CLPTM1: variants seen among roughly 807,000 people sequenced by gnomAD.
CLPTM1 encodes putative lipid scramblase CLPTM1.
CLPTM1 carries 21 observed loss-of-function variants against 77.3 expected under a neutral mutation model. That is an observed-to-expected ratio of 0.27 (90% CI 0.19 to 0.39). The LOEUF (loss-of-function observed/expected upper bound fraction) is 0.39. Among genes scored for constraint, CLPTM1 ranks in the 10% least tolerant of loss-of-function variants. The probability of loss-of-function intolerance (pLI) is 1.00; values close to 1 mark genes in which losing one functional copy is unlikely to be tolerated. For synonymous variants in CLPTM1, 373 were observed against 381.0 expected (o/e 0.98, Z 0.24); for missense variants, 642 against 921.2 (o/e 0.70, Z 3.92).
At chr19:44,965,552 G>A (rs966119881) in intron 2 of CLPTM1, among the ~76,000 whole-genome samples, 3 of 151,744 alleles carry the variant, frequency 2.0e-5, no homozygotes, top group Admixed American at 6.6e-5. Context: ...GGTGGCTCAC[G>A]CCTGTAATCC....
chr19:44,992,416 C>CGGG lies in CLPTM1; in HGVS notation c.1723+16_1723+17insGGG. 6.2e-7 allele frequency: 1 copy of CGGG among 1,613,810 alleles called. No homozygotes were observed. The highest frequency in any genetic ancestry group is 8.5e-7 in the Non-Finnish European group (1 of 1,179,844). On this transcript the variant is annotated intron_variant, in intron 13 of 13. Coordinates refer to ENST00000337392, the MANE Select transcript of CLPTM1 (RefSeq NM_001294.4). This position sits in a 1 kb window ranked among gnomAD's most constrained non-coding sequence, Gnocchi z 7.7. ...CTGCGGGACGGTGAGGCCCGGTGGG[C>CGGG]AGGTGGGAGCTCCCACCGGAACAGG...
rs1032695274 is a variant in CLPTM1, at chr19:44,993,059, C to T, written c.*162C>T. 4 of 895,264 alleles carry T rather than the reference C, an allele frequency of 4.5e-6. No individual in the cohort carries two copies. The Admixed American group carries it at 5.7e-5, about 13-fold the overall frequency. 55.5% of individuals were successfully genotyped at this position (895,264 alleles called of 1,614,324 possible). ...CCAGCGTGTGATGTAGGGGCCGGGGCAGGCCAGGGTTTGTTTGTGGAGGCG... is the reference window on the plus strand; with the variant it reads ...CCAGCGTGTGATGTAGGGGCCGGGGTAGGCCAGGGTTTGTTTGTGGAGGCG... On this transcript the variant is annotated 3_prime_UTR_variant, in exon 14 of 14. Coordinates refer to ENST00000337392, the MANE Select transcript of CLPTM1 (RefSeq NM_001294.4).
chr19:44,986,402 G>C, intron 6 of CLPTM1, 53 bp from the exon 7 acceptor site: 1 of 1,600,656 alleles, frequency 6.2e-7, no homozygotes, highest in Non-Finnish European at 8.5e-7. Context: ...GAGAGTGATA[G>C]TCCCCGAGCA....
intron 7 of CLPTM1, 71 bp from the exon 8 acceptor site, chr19:44,987,108 G>C (rs897619564): frequency 6.5e-7 from 1 of 1,547,826 alleles, no homozygotes; most frequent in Non-Finnish European, 8.7e-7. Flanking sequence ...GGTCTCTCCA[G>C]ACATCTGAGG....
At position 44,983,617 on chromosome 19, in the gene CLPTM1, C is replaced by CAA. The variant is rs35582067; in HGVS notation, c.587-1574_587-1573dup. ...TGGATGACAGAGCGAGACTCTGTCT[C>CAA]AAAAAAAAAAAAAAAAAAAAAAAAA... On this transcript the variant is annotated intron_variant, in intron 5 of 13. Transcript: ENST00000337392. Among the ~76,000 whole-genome samples, 32 of 39,800 alleles carry CAA rather than the reference C, an allele frequency of 8.0e-4. 1 individual carries two copies. Among genetic ancestry groups the CAA allele is most frequent in the African/African-American group, 2.8e-3 (21 of 7,496 alleles). The allele number at this position is 39,800 out of a possible 152,430, so 26.1% of individuals were successfully genotyped here.
chr19:44,981,249 A>T (rs112309364), intron 5 of CLPTM1, among the ~76,000 whole-genome samples: 2 of 151,682 alleles, frequency 1.3e-5, no homozygotes, highest in African/African-American at 4.8e-5. Context: ...GGTTCAAGCA[A>T]TTCTGCCTCA....
chr19:44,988,147 T>C lies in CLPTM1; in HGVS notation c.1106T>C (p.Val369Ala). ...ATCATCGTGTCTATCGTTCACAGTGTCTTCGAGTTCCTGGCCTTCAAGAAT... is the reference window on the plus strand; with the variant it reads ...ATCATCGTGTCTATCGTTCACAGTGCCTTCGAGTTCCTGGCCTTCAAGAAT... ...LTIIVSIVHSVFEFLAFKNDI... is the reference protein window; with the variant it reads ...LTIIVSIVHSAFEFLAFKNDI... Residue 369 changes from valine (V) to alanine (A), a missense_variant, in exon 9 of 14, where the codon GTC (valine) becomes GCC (alanine). Transcript: ENST00000337392. 3 of 1,614,080 alleles carry C rather than the reference T, an allele frequency of 1.9e-6. No individual in the cohort carries two copies.
At chr19:44,989,734 G>C (rs1484657564) in intron 9 of CLPTM1, among the ~76,000 whole-genome samples, 1 of 152,168 alleles carries the variant, frequency 6.6e-6, no homozygotes, top group Non-Finnish European at 1.5e-5. Flanking sequence ...TGTGGCTGCG[G>C]TTAGATGCTC....
At chr19:44,960,369 C>G (rs1355043246) in intron 1 of CLPTM1, among the ~76,000 whole-genome samples, 3 of 152,182 alleles carry the variant, frequency 2.0e-5, no homozygotes, top group Non-Finnish European at 2.9e-5. Flanking sequence ...ATCCCCAGCT[C>G]TGGGTAAGCA....
chr19:44,968,202 C>T lies in CLPTM1; in HGVS notation c.186-4885C>T, dbSNP rs372679314. On this transcript the variant is annotated intron_variant, in intron 2 of 13. Coordinates refer to ENST00000337392, the MANE Select transcript of CLPTM1 (RefSeq NM_001294.4). ...TCAAACATCAGTTCGGGTGGGTGCT[C>T]GGAGACCATCTTGGCTGCAGTTCTT... is the stretch of plus-strand genomic sequence containing the variant. Among the ~76,000 whole-genome samples the T allele has an allele frequency of 4.6e-5, 7 of 152,238 alleles. No individual in the cohort carries two copies. The East Asian group carries it at 1.2e-3, about 25-fold the overall frequency.
Position 44,982,140 on chromosome 19 carries a change from G to A in CLPTM1, c.587-3078G>A, listed in dbSNP as rs554763918. ...GAGGCAGGTGGATCACTTGAGGCCA[G>A]GAGTTTGAGACCAGCCTGGCCAACA... On this transcript the variant is annotated intron_variant, in intron 5 of 13. Coordinates refer to ENST00000337392, the MANE Select transcript of CLPTM1 (RefSeq NM_001294.4). Among the ~76,000 whole-genome samples the A allele has an allele frequency of 1.5e-4, 23 of 151,890 alleles. No homozygotes were observed. The South Asian group carries it at 4.8e-3, about 32-fold the overall frequency.
rs915764343 is a variant in CLPTM1, at chr19:44,963,838, G to A, written c.185+1763G>A. ...TCTCCATGTTGGTCAGGCTGGTCTC[G>A]AACTCCCAACCTCAGGCAATCTGCC... On this transcript the variant is annotated intron_variant, in intron 2 of 13. Coordinates refer to ENST00000337392, the MANE Select transcript of CLPTM1 (RefSeq NM_001294.4). 8.6e-5 allele frequency among the ~76,000 whole-genome samples: 13 copies of A among 150,322 alleles called. No homozygotes were observed. The East Asian group carries it at 9.9e-4, about 11-fold the overall frequency.
intron 2 of CLPTM1, among the ~76,000 whole-genome samples, chr19:44,972,167 C>T (rs1970728944): frequency 6.6e-6 from 1 of 151,748 alleles, no homozygotes; most frequent in African/African-American, 2.4e-5. Context: ...GGCCTCTATA[C>T]TTCTTAAGTT....
intron 4 of CLPTM1, among the ~76,000 whole-genome samples, chr19:44,975,927 A>G (rs926554281): frequency 8.6e-5 from 13 of 151,910 alleles, no homozygotes; most frequent in African/African-American, 2.7e-4. Context: ...CAGTGGTGCA[A>G]TTACAGCTCA....
chr19:44,977,241 T>C, intron 4 of CLPTM1, 102 bp from the exon 5 acceptor site: 1 of 831,152 alleles, frequency 1.2e-6, no homozygotes, highest in South Asian at 1.5e-5. Context: ...GGCCAGAGAG[T>C]TGAGGGGGAG....
At chr19:44,983,086 C>T (rs1057404328) in intron 5 of CLPTM1, among the ~76,000 whole-genome samples, 1 of 151,262 alleles carries the variant, frequency 6.6e-6, no homozygotes, top group African/African-American at 2.4e-5. Flanking sequence ...ATGAGGATGA[C>T]GTTTCTGCTA....
At chr19:44,987,766 G>A (rs943186831) in intron 8 of CLPTM1, 11 of 550,526 alleles carry the variant, frequency 2.0e-5, no homozygotes, top group Middle Eastern at 4.9e-4. Context: ...TGTCTGTGGC[G>A]TGAGGCTCGG....
At chr19:44,986,077 A>G (rs1970972776) in intron 6 of CLPTM1, among the ~76,000 whole-genome samples, 1 of 152,128 alleles carries the variant, frequency 6.6e-6, no homozygotes, top group Admixed American at 6.5e-5. Context: ...GTCAGGGGAG[A>G]TGGCTCATGC....
At chr19:44,966,455 A>G (rs1330937279) in intron 2 of CLPTM1, among the ~76,000 whole-genome samples, 1 of 152,144 alleles carries the variant, frequency 6.6e-6, no homozygotes, top group Non-Finnish European at 1.5e-5. Context: ...CCATAGGCAC[A>G]CATTTTTGTA....
Sources: gnomAD v4.1 joint callset for allele counts (sites outside exome capture counted in the v4.1 genomes callset) on GRCh38, gnomAD v4.1.1 for gene constraint, Gnocchi (gnomAD v3.1) non-coding constraint, MANE v1.5 for transcripts, NCBI Gene and HGNC (gene_info 2026-07-23, HGNC 2026-07-21) for gene names.